The following MYO16 variants were observed in gnomAD, a reference collection of about 807,000 sequenced individuals.
MYO16 encodes myosin XVI.
MYO16 carries 94 observed loss-of-function variants against 205.3 expected under a neutral mutation model. The ratio of observed to expected loss-of-function variants is 0.46; its 90% confidence interval spans 0.39 to 0.54. The LOEUF is 0.54. Ranked by LOEUF, MYO16 falls within the 20% of genes least tolerant of loss-of-function variation. The pLI is 0.00. For missense variants in MYO16, 2,315 were observed against 2,387.5 expected, an observed-to-expected ratio of 0.97 and a Z score of 0.63; for synonymous variants, 988 against 954.0, an observed-to-expected ratio of 1.04 and a Z score of -0.66.
chr13:108,881,844 A>C (rs1209570347), intron 12 of MYO16, among the ~76,000 whole-genome samples: 1 of 152,252 alleles, frequency 6.6e-6, no homozygotes, highest in Non-Finnish European at 1.5e-5. Flanking sequence ...AGTGACGAGG[A>C]GAATGGAACC....
intron 3 of MYO16, among the ~76,000 whole-genome samples, chr13:108,720,149 CAG>C (rs1220200529): frequency 6.6e-6 from 1 of 151,938 alleles, no homozygotes; most frequent in Non-Finnish European, 1.5e-5. Context: ...TAATATTTGC[CAG>C]AGAGAAGATC....
At chr13:108,854,606 T>C (rs938013714) in intron 10 of MYO16, among the ~76,000 whole-genome samples, 3 of 151,826 alleles carry the variant, frequency 2.0e-5, no homozygotes, top group African/African-American at 7.3e-5. Context: ...TTACTAGGAG[T>C]ATCAAAGAAC....
chr13:108,845,121 T>A (rs979327174), intron 10 of MYO16, among the ~76,000 whole-genome samples: 1 of 152,200 alleles, frequency 6.6e-6, no homozygotes, highest in Non-Finnish European at 1.5e-5. Flanking sequence ...ATAACTTGCA[T>A]CCTTGAAAAT....
At chr13:109,139,428 T>C (rs1876928631) in intron 31 of MYO16, among the ~76,000 whole-genome samples, 2 of 152,192 alleles carry the variant, frequency 1.3e-5, no homozygotes, top group African/African-American at 4.8e-5. Context: ...CTAAGTGTGT[T>C]CCACCACCTG....
At chr13:108,648,300 G>A (rs1880845039) in intron 1 of MYO16, among the ~76,000 whole-genome samples, 1 of 152,152 alleles carries the variant, frequency 6.6e-6, no homozygotes, top group Non-Finnish European at 1.5e-5. Flanking sequence ...AGGAGGAGAA[G>A]CACTGAATAC....
intron 2 of MYO16, among the ~76,000 whole-genome samples, chr13:108,712,001 ACAAT>A (rs1403461502): frequency 1.3e-5 from 2 of 152,230 alleles, no homozygotes; most frequent in Admixed American, 6.5e-5. Flanking sequence ...AGAATGGAAC[ACAAT>A]CAATCAATCT....
At chr13:108,874,730 ATTATT>A (rs1879244116) in intron 12 of MYO16, among the ~76,000 whole-genome samples, 4 of 143,072 alleles carry the variant, frequency 2.8e-5, no homozygotes, top group Non-Finnish European at 4.6e-5. Context: ...TATTATTATT[ATTATT>A]ATATGTGATC....
chr13:108,645,362 C>A (rs1295865535), intron 1 of MYO16, among the ~76,000 whole-genome samples: 4 of 152,136 alleles, frequency 2.6e-5, no homozygotes, highest in African/African-American at 4.8e-5. Context: ...TTTCTTGATT[C>A]CCCAGTGTCT....
At chr13:108,979,011 G>T (rs1021230670) in intron 20 of MYO16, among the ~76,000 whole-genome samples, 1 of 151,808 alleles carries the variant, frequency 6.6e-6, no homozygotes. Flanking sequence ...TATTTCAACT[G>T]TAGTTTGACA....
chr13:108,990,632 C>T (rs990799680), intron 20 of MYO16, among the ~76,000 whole-genome samples: 3 of 152,006 alleles, frequency 2.0e-5, no homozygotes, highest in Non-Finnish European at 4.4e-5. Flanking sequence ...ATTCTTTCTT[C>T]TTATAAACTA....
chr13:108,824,350 C>T (rs1876144019), intron 9 of MYO16, among the ~76,000 whole-genome samples: 1 of 151,964 alleles, frequency 6.6e-6, no homozygotes, highest in African/African-American at 2.4e-5. Context: ...CATTGAAAAG[C>T]ATAGAAATAC....
At chr13:108,620,968 C>G (rs1280057236) in intron 1 of MYO16, among the ~76,000 whole-genome samples, 3 of 152,172 alleles carry the variant, frequency 2.0e-5, no homozygotes, top group African/African-American at 7.2e-5. Flanking sequence ...CTAACTCACC[C>G]CTCAGCTGGC....
At chr13:108,914,349 T>C (rs1410353021) in intron 16 of MYO16, among the ~76,000 whole-genome samples, 1 of 152,156 alleles carries the variant, frequency 6.6e-6, no homozygotes, top group East Asian at 1.9e-4. Flanking sequence ...TCCTATGATG[T>C]AGAATAAACC....
the MYO16 span, among the ~76,000 whole-genome samples, chr13:108,507,619 T>C: frequency 1.3e-5 from 2 of 152,178 alleles, no homozygotes; most frequent in Admixed American, 6.5e-5. Flanking sequence ...ATCAGAGTTG[T>C]AGTATGTTTA....
chr13:108,504,024 C>G, the MYO16 span, among the ~76,000 whole-genome samples: 1 of 151,972 alleles, frequency 6.6e-6, no homozygotes, highest in African/African-American at 2.4e-5. Flanking sequence ...AAAAACACAA[C>G]AAAATGTATC....
At chr13:109,032,350 C>T (rs371002210) in intron 23 of MYO16, among the ~76,000 whole-genome samples, 41 of 152,290 alleles carry the variant, frequency 2.7e-4, no homozygotes, top group East Asian at 1.9e-3. Context: ...CAGCTCAGGC[C>T]GCTGCAGCAG....
At chr13:109,047,953 C>CA (rs200202758) in intron 24 of MYO16, among the ~76,000 whole-genome samples, 5,308 of 151,152 alleles carry the variant, frequency 0.035, 133 homozygotes, top group South Asian at 0.057. Flanking sequence ...CTAAAACTAA[C>CA]AAAAAAAACA....
chr13:108,505,169 C>T, the MYO16 span, among the ~76,000 whole-genome samples: 1 of 152,072 alleles, frequency 6.6e-6, no homozygotes. Context: ...TGGATTAAAA[C>T]CCAAAGAAGT....
At chr13:108,761,297 T>C (rs1267728148) in intron 4 of MYO16, among the ~76,000 whole-genome samples, 1 of 152,100 alleles carries the variant, frequency 6.6e-6, no homozygotes, top group Admixed American at 6.5e-5. Flanking sequence ...TGATGTCTTA[T>C]GCCGTCCTAA....
Sources: gnomAD v4.1 joint callset for allele counts (sites outside exome capture counted in the v4.1 genomes callset) on GRCh38, gnomAD v4.1.1 for gene constraint, MANE v1.5 for transcripts, NCBI Gene and HGNC (gene_info 2026-07-23, HGNC 2026-07-21) for gene names.